The following SUSD6 variants were observed in gnomAD, a reference collection of about 807,000 sequenced individuals.
SUSD6 encodes sushi domain containing 6, also known as sushi domain-containing protein 6.
SUSD6 carries 16 observed loss-of-function variants against 28.4 expected under a neutral mutation model. That is an observed-to-expected ratio of 0.56 (90% confidence interval 0.38 to 0.86). SUSD6 has a LOEUF of 0.86. Among genes scored for constraint, SUSD6 ranks in the 40% least tolerant of loss-of-function variants. The probability of loss-of-function intolerance (pLI) is 0.00; values close to 1 mark genes in which losing one functional copy is unlikely to be tolerated. For missense variants in SUSD6, 341 were observed against 384.2 expected (o/e 0.89, Z 0.94); for synonymous variants, 147 against 159.6 (o/e 0.92, Z 0.59).
chr14:69,658,432 A>G (rs1885615756), intron 1 of SUSD6, 81 bp from the exon 2 acceptor site: 2 of 663,740 alleles, frequency 3.0e-6, no homozygotes, highest in Non-Finnish European at 5.1e-6. Context: ...GTGTGTGATT[A>G]TGGCTTCCTT....
intron 1 of SUSD6, among the ~76,000 whole-genome samples, chr14:69,624,365 G>A (rs1260522173): frequency 6.6e-6 from 1 of 151,956 alleles, no homozygotes; most frequent in African/African-American, 2.4e-5. Context: ...AAGTATCCAC[G>A]GAATCAGAGT....
chr14:69,668,128 C>T (rs1885771977), intron 2 of SUSD6, among the ~76,000 whole-genome samples: 2 of 152,266 alleles, frequency 1.3e-5, no homozygotes, highest in South Asian at 4.1e-4. Context: ...TCATAGTATT[C>T]TGTCCCCAGC....
At chr14:69,660,929 T>C (rs1885652735) in intron 2 of SUSD6, among the ~76,000 whole-genome samples, 1 of 152,166 alleles carries the variant, frequency 6.6e-6, no homozygotes, top group Non-Finnish European at 1.5e-5. Context: ...CTTTAAAATA[T>C]TTGGGTCTTT....
chr14:69,650,965 T>C (rs905301213), intron 1 of SUSD6, among the ~76,000 whole-genome samples: 13 of 152,126 alleles, frequency 8.5e-5, no homozygotes, highest in African/African-American at 2.7e-4. Context: ...GTCAGAACAA[T>C]GAGGATAGAG....
chr14:69,619,381 CT>C (rs1418287264), intron 1 of SUSD6, among the ~76,000 whole-genome samples: 1 of 152,168 alleles, frequency 6.6e-6, no homozygotes, highest in African/African-American at 2.4e-5. Context: ...AATAAACTTG[CT>C]TTCACTTTAA....
intron 2 of SUSD6, among the ~76,000 whole-genome samples, chr14:69,699,785 G>A (rs1248827775): frequency 6.6e-6 from 1 of 152,140 alleles, no homozygotes; most frequent in Non-Finnish European, 1.5e-5. Flanking sequence ...GGTTAAGAGT[G>A]GAAGTTTAAT....
intron 1 of SUSD6, among the ~76,000 whole-genome samples, chr14:69,653,630 A>G (rs540681807): frequency 6.6e-6 from 1 of 151,966 alleles, no homozygotes; most frequent in Non-Finnish European, 1.5e-5. Context: ...AATTTTTTTT[A>G]ATTAGGAGGA....
chr14:69,709,024 T>G lies in SUSD6; in HGVS notation c.806T>G (p.Leu269Arg). ...SWVAGSGNRQ[L>R]AHKETADSEN... ...GTGGCCGGCTCAGGGAACCGCCAAC[T>G]GGCACACAAAGAAACTGCAGATTCA... is the stretch of plus-strand genomic sequence containing the variant. Residue 269 changes from leucine to arginine, a missense_variant, in exon 5 of 6, where the codon CTG (leucine) becomes CGG (arginine). Transcript: ENST00000342745. The G allele has an allele frequency of 6.2e-7, 1 of 1,614,016 alleles. No individual in the cohort carries two copies.
chr14:69,667,289 T>C (rs1055996361), intron 2 of SUSD6, among the ~76,000 whole-genome samples: 1 of 152,152 alleles, frequency 6.6e-6, no homozygotes, highest in African/African-American at 2.4e-5. Flanking sequence ...AGAGGCTGGA[T>C]TGCAAATGAC....
intron 3 of SUSD6, 74 bp downstream of exon 3, chr14:69,703,666 T>C: frequency 7.2e-7 from 1 of 1,390,832 alleles, no homozygotes; most frequent in Non-Finnish European, 1.0e-6. Flanking sequence ...CAAAGCATGC[T>C]TCCTCCAGAG....
At chr14:69,621,537 G>A (rs1885041364) in intron 1 of SUSD6, among the ~76,000 whole-genome samples, 1 of 152,196 alleles carries the variant, frequency 6.6e-6, no homozygotes, top group African/African-American at 2.4e-5. Flanking sequence ...TTATGGGGCT[G>A]AAGACCAGAA....
intron 1 of SUSD6, among the ~76,000 whole-genome samples, chr14:69,625,781 A>G (rs969691187): frequency 1.3e-5 from 2 of 152,156 alleles, no homozygotes; most frequent in Admixed American, 1.3e-4. Flanking sequence ...TCGTGGGCTC[A>G]GTTCTCTGAA....
At chr14:69,618,261 A>G (rs74060221) in intron 1 of SUSD6, among the ~76,000 whole-genome samples, 2,778 of 152,294 alleles carry the variant, frequency 0.018, 80 homozygotes, top group African/African-American at 0.063. Flanking sequence ...GTCTATGTGT[A>G]TTACGTGTAA....
intron 1 of SUSD6, among the ~76,000 whole-genome samples, chr14:69,644,062 ATGT>A (rs1885390788): frequency 6.6e-6 from 1 of 152,090 alleles, no homozygotes; most frequent in Non-Finnish European, 1.5e-5. Context: ...TTTGTACCTC[ATGT>A]TGTAATTATT....
At chr14:69,675,384 G>A in intron 2 of SUSD6, among the ~76,000 whole-genome samples, 1 of 152,200 alleles carries the variant, frequency 6.6e-6, no homozygotes, top group East Asian at 1.9e-4. Context: ...TAGTAACTGA[G>A]TGTGTTCCCA....
At chr14:69,615,491 G>A (rs997047430) in intron 1 of SUSD6, 7 of 152,272 alleles carry the variant, frequency 4.6e-5, no homozygotes, top group African/African-American at 1.7e-4. Flanking sequence ...ATGTGTCTGC[G>A]ATGGTGTCCT....
At chr14:69,672,534 A>G (rs1170984516) in intron 2 of SUSD6, among the ~76,000 whole-genome samples, 4 of 152,190 alleles carry the variant, frequency 2.6e-5, no homozygotes, top group Admixed American at 1.3e-4. Flanking sequence ...ATTCTGTCCT[A>G]TTAGGCTGTG....
At chr14:69,646,013 G>C (rs1455868381) in intron 1 of SUSD6, among the ~76,000 whole-genome samples, 1 of 152,196 alleles carries the variant, frequency 6.6e-6, no homozygotes, top group Non-Finnish European at 1.5e-5. Context: ...GCCTCCCAAA[G>C]TGCTGGGATT....
Position 69,708,676 on chromosome 14 carries a change from G to T in SUSD6, c.459-1G>T. On this transcript the variant is annotated splice_acceptor_variant, in intron 4 of 5. Coordinates refer to ENST00000342745, the MANE Select transcript of SUSD6 (RefSeq NM_014734.4). LOFTEE classifies it high-confidence loss of function. ...CTTTGTCTTTTCCTCCTCCACTCCA[G>T]GCGTGACCAGGGGGTATCTGGGGAC... 6.4e-7 allele frequency: 1 copy of T among 1,559,034 alleles called. No homozygotes were observed.
Sources: allele counts gnomAD v4.1 joint callset (sites outside exome capture counted in the v4.1 genomes callset), GRCh38; gene constraint gnomAD v4.1.1; transcripts MANE v1.5; gene names NCBI Gene and HGNC (gene_info 2026-07-23, HGNC 2026-07-21).